SLC5A2: variants seen among roughly 807,000 people sequenced by gnomAD.
SLC5A2 encodes the protein solute carrier family 5 member 2.
Under a neutral mutation model 69.0 loss-of-function variants are expected in SLC5A2, and 67 were observed. The observed-to-expected ratio is 0.97, with a 90% CI of 0.80 to 1.19. The LOEUF (loss-of-function observed/expected upper bound fraction) is 1.19. SLC5A2 is among the 50% of genes most tolerant of loss of function. The pLI, the probability that SLC5A2 is intolerant of heterozygous loss-of-function variation, is 0.00. For synonymous variants in SLC5A2, 455 were observed against 395.8 expected (o/e 1.15, Z -1.78); for missense variants, 1,001 against 921.5 (o/e 1.09, Z -1.12).
In SLC5A2 at chr16:31,490,598, G is replaced by C. The variant is rs114517938; in HGVS notation, c.*63G>C. Reference sequence around the variant, plus strand: ...AGGAAGTGGGGGTGAGGAGCCTGCGGTGCTCCCCAGAAAAGGGGAAGGGGC... The same window carrying C: ...AGGAAGTGGGGGTGAGGAGCCTGCGCTGCTCCCCAGAAAAGGGGAAGGGGC... On this transcript the variant is annotated 3_prime_UTR_variant, in exon 14 of 14. Coordinates refer to ENST00000330498, the MANE Select transcript of SLC5A2 (RefSeq NM_003041.4). 9 of 1,385,390 alleles carry C rather than the reference G, an allele frequency of 6.5e-6. No individual in the cohort carries two copies. In the African/African-American group the frequency reaches 1.1e-4, roughly 17 times the overall value. The allele number at this position is 1,385,390 out of a possible 1,614,324, so 85.8% of individuals were successfully genotyped here.
Position 31,488,612 on chromosome 16 carries a change from C to T in SLC5A2, c.1130-10C>T. On this transcript the variant is annotated splice_polypyrimidine_tract_variant and intron_variant, in intron 9 of 13. Coordinates refer to ENST00000330498, the MANE Select transcript of SLC5A2 (RefSeq NM_003041.4). The stretch of plus-strand genomic sequence containing the variant: ...GTGGCCCCAGCCTCACGGCTGCCGT[C>T]GGCCCGCAGGTCTGCGCGGACTCAT... 1.2e-6 allele frequency: 2 copies of T among 1,609,548 alleles called. No individual in the cohort carries two copies. The highest frequency in any genetic ancestry group is 2.2e-5 in the East Asian group (1 of 44,780).
Position 31,484,743 on chromosome 16 carries a change from C to T in SLC5A2, c.197C>T (p.Pro66Leu), listed in dbSNP as rs746746841. 18 of 1,610,408 alleles carry T rather than the reference C, an allele frequency of 1.1e-5. No homozygotes were observed. Among genetic ancestry groups the T allele is most frequent in the African/African-American group, 2.7e-5 (2 of 74,926 alleles). The change falls in exon 2 of 14, where the codon CCG (proline) becomes CTG (leucine). Residue 66 changes from proline to leucine, a missense_variant and splice_region_variant. By Grantham distance (98) the Pro-to-Leu change is moderately conservative. Coordinates refer to ENST00000330498, the MANE Select transcript of SLC5A2 (RefSeq NM_003041.4). ...GCAGGACGCAGCATGGTGTGGTGGC[C>T]GGTGAGACGGGCTGGGCCGGGAACG... ...FLAGRSMVWW[P>L]VGASLFASNI...
In SLC5A2 at chr16:31,490,250, G is replaced by C. The variant is rs758309955; in HGVS notation, c.1792+20G>C. 3 of 1,613,968 alleles carry C rather than the reference G, an allele frequency of 1.9e-6. No homozygotes were observed. The highest frequency in any genetic ancestry group is 1.7e-6 in the Non-Finnish European group (2 of 1,179,996). ...TGAATGGTAGGGCACCATGCTGGGA[G>C]GTGGGGCTGGAGGAGCTGAGTTCCC... is the stretch of plus-strand genomic sequence containing the variant. On this transcript the variant is annotated intron_variant, in intron 13 of 13. Transcript: ENST00000330498.
intron 5 of SLC5A2, 95 bp from the exon 6 acceptor site, chr16:31,487,225 G>A (rs968566747): frequency 2.6e-6 from 3 of 1,158,764 alleles, no homozygotes; most frequent in East Asian, 2.4e-5. Flanking sequence ...CTCCAGGAAG[G>A]GGAACTCTTT....
intron 7 of SLC5A2, 90 bp from the exon 8 acceptor site, chr16:31,487,948 C>G (rs2142626126): frequency 6.4e-7 from 1 of 1,573,792 alleles, no homozygotes; most frequent in East Asian, 2.3e-5. Context: ...GGGGCACTCA[C>G]GAGCCAGAGG....
Position 31,487,308 on chromosome 16 carries a change from G to C in SLC5A2, c.575-12G>C. 1 of 1,613,730 alleles carries C rather than the reference G, an allele frequency of 6.2e-7. No individual in the cohort carries two copies. The highest frequency in any genetic ancestry group is 8.5e-7 in the Non-Finnish European group (1 of 1,179,960). ...AACAGCTGGGCTGTCCCCTGACCCCGGCCTGTTGCAGGAGGGCTGGCCGCG... is the reference window on the plus strand; with the variant it reads ...AACAGCTGGGCTGTCCCCTGACCCCCGCCTGTTGCAGGAGGGCTGGCCGCG... On this transcript the variant is annotated splice_polypyrimidine_tract_variant and intron_variant, in intron 5 of 13. Coordinates refer to ENST00000330498, the MANE Select transcript of SLC5A2 (RefSeq NM_003041.4).
Position 31,484,689 on chromosome 16 carries a change from A to C in SLC5A2, c.143A>C (p.Asn48Thr). The C allele has an allele frequency of 1.2e-6, 2 of 1,608,512 alleles. No homozygotes were observed. The highest frequency in any genetic ancestry group is 1.7e-6 in the Non-Finnish European group (2 of 1,179,998). The stretch of plus-strand genomic sequence containing the variant: ...GTCTCCCAGTCCATGTGCAGAACCA[A>C]CAGAGGCACTGTGGGCGGCTACTTC... ...GVGLWSMCRT[N>T]RGTVGGYFLA... Residue 48 changes from asparagine (N) to threonine (T), a missense_variant, in exon 2 of 14, where the codon AAC becomes ACC. Asn to Thr is a moderately conservative substitution (Grantham distance 65). Coordinates refer to ENST00000330498, the MANE Select transcript of SLC5A2 (RefSeq NM_003041.4).
At chr16:31,483,348 T>C in intron 1 of SLC5A2, 86 bp downstream of exon 1, 1 of 1,547,692 alleles carries the variant, frequency 6.5e-7, no homozygotes, top group Non-Finnish European at 8.9e-7. Context: ...GGTGGGAGAA[T>C]GATGCTTGGA....
At chr16:31,486,418 T>C in intron 5 of SLC5A2, 143 bp downstream of exon 5, 1 of 694,744 alleles carries the variant, frequency 1.4e-6, no homozygotes, top group South Asian at 1.5e-5. Context: ...AACTAAATCT[T>C]TGGAGAGCAA....
In SLC5A2 at chr16:31,487,651, G is replaced by A. The variant is rs1399717087; in HGVS notation, c.777G>A (p.Arg259=). The A allele has an allele frequency of 6.2e-7, 1 of 1,613,720 alleles. No homozygotes were observed. Among genetic ancestry groups the A allele is most frequent in the Non-Finnish European group, 8.5e-7 (1 of 1,180,006 alleles). Residue 259 remains arginine (R), a synonymous_variant, in exon 7 of 14, where the codon CGG becomes CGA. Coordinates refer to ENST00000330498, the MANE Select transcript of SLC5A2 (RefSeq NM_003041.4). ...TCTCCAGCTTCTGCTATCGACCCCGGCCCGACTCCTACCACCTGCTCCGGC... is the reference window on the plus strand; with the variant it reads ...TCTCCAGCTTCTGCTATCGACCCCGACCCGACTCCTACCACCTGCTCCGGC... ...GNISSFCYRP[R]PDSYHLLRHP...
chr16:31,488,816 C>T (rs2082526356), intron 10 of SLC5A2, 44 bp downstream of exon 10: 3 of 1,600,338 alleles, frequency 1.9e-6, no homozygotes, highest in Non-Finnish European at 2.5e-6. Flanking sequence ...CAGCCCGGGG[C>T]GGGGGCTTGC....
chr16:31,484,707 G>A lies in SLC5A2; in HGVS notation c.161G>A (p.Gly54Asp), dbSNP rs778833159. The A allele has an allele frequency of 3.7e-6, 6 of 1,609,340 alleles. No homozygotes were observed. In the South Asian group the frequency reaches 5.5e-5, roughly 15 times the overall value. The change falls in exon 2 of 14, where the codon GGC (glycine) becomes GAC (aspartate). Residue 54 changes from glycine (G) to aspartate (D), a missense_variant. Transcript: ENST00000330498. ...MCRTNRGTVG[G>D]YFLAGRSMVW... ...AGAACCAACAGAGGCACTGTGGGCGGCTACTTCCTGGCAGGACGCAGCATG... is the reference window on the plus strand; with the variant it reads ...AGAACCAACAGAGGCACTGTGGGCGACTACTTCCTGGCAGGACGCAGCATG...
chr16:31,488,234 G>A, intron 8 of SLC5A2, 61 bp downstream of exon 8: 2 of 1,612,848 alleles, frequency 1.2e-6, no homozygotes, highest in Admixed American at 1.7e-5. Flanking sequence ...GCCCAGTTCC[G>A]TCACCCTCCT....
chr16:31,488,397 G>A lies in SLC5A2; in HGVS notation c.1036G>A (p.Val346Met), dbSNP rs755101109. 17 of 1,611,616 alleles carry A rather than the reference G, an allele frequency of 1.1e-5. No individual in the cohort carries two copies. The highest frequency in any genetic ancestry group is 1.7e-6 in the Non-Finnish European group (2 of 1,179,788). Reference sequence around the variant, plus strand: ...CTCTCTGGCAGACGAGGTGGCGTGCGTGGTGCCTGAGGTGTGCAGGCGCGT... The same window carrying A: ...CTCTCTGGCAGACGAGGTGGCGTGCATGGTGCCTGAGGTGTGCAGGCGCGT... ...RILYPDEVAC[V>M]VPEVCRRVCG... is the part of the protein sequence containing the mutation. The change falls in exon 9 of 14, where the codon GTG becomes ATG. Residue 346 changes from valine (V) to methionine (M), a missense_variant. Physicochemically the swap from Val to Met is conservative, Grantham distance 21 (BLOSUM62 1). Transcript: ENST00000330498.
chr16:31,484,606 G>T, intron 1 of SLC5A2, 67 bp from the exon 2 acceptor site: 1 of 1,503,102 alleles, frequency 6.7e-7, no homozygotes, highest in Non-Finnish European at 9.2e-7. Context: ...TGAGGAATGT[G>T]TTGAGGTGGC....
chr16:31,488,861 C>A lies in SLC5A2; in HGVS notation c.1281-19C>A. ...GGGGAGCCCAGGGTCCGGGTTCGAT[C>A]CGACGGCCTCCGCCGCAGGCTCTGG... On this transcript the variant is annotated intron_variant, in intron 10 of 13. Transcript: ENST00000330498. The A allele has an allele frequency of 6.2e-7, 1 of 1,603,668 alleles. No individual in the cohort carries two copies. Among genetic ancestry groups the A allele is most frequent in the Non-Finnish European group, 8.5e-7 (1 of 1,179,770 alleles).
intron 12 of SLC5A2, chr16:31,489,903 C>A (rs1352239893): frequency 6.0e-6 from 4 of 668,408 alleles, no homozygotes; most frequent in Non-Finnish European, 1.0e-5. Context: ...GCTTTAAACA[C>A]AAGCTCAGGG....
intron 12 of SLC5A2, 155 bp from the exon 13 acceptor site, chr16:31,489,949 G>C (rs1363627338): frequency 1.0e-6 from 1 of 961,564 alleles, no homozygotes; most frequent in Admixed American, 2.0e-5. Context: ...GGGCAGCCAT[G>C]TAGGGTGGAG....
At position 31,488,111 on chromosome 16, in the gene SLC5A2, T is replaced by A. The variant is rs1276174808; in HGVS notation, c.959T>A (p.Leu320Gln). The A allele has an allele frequency of 6.2e-7, 1 of 1,614,074 alleles. No individual in the cohort carries two copies. Among genetic ancestry groups the A allele is most frequent in the Admixed American group, 1.7e-5 (1 of 60,034 alleles). The change falls in exon 8 of 14, where the codon CTG becomes CAG. Residue 320 changes from leucine to glutamine, a missense_variant. Transcript: ENST00000330498. ...GCGGGCTGCATCCTGTGTGGGTACCTGAAGCTGACGCCCATGTTTCTCATG... is the reference window on the plus strand; with the variant it reads ...GCGGGCTGCATCCTGTGTGGGTACCAGAAGCTGACGCCCATGTTTCTCATG... ...IKAGCILCGY[L>Q]KLTPMFLMVM...
Sources: gnomAD v4.1 joint callset for allele counts on GRCh38, gnomAD v4.1.1 for gene constraint, MANE v1.5 for transcripts, NCBI Gene and HGNC (gene_info 2026-07-23, HGNC 2026-07-21) for gene names.